Variants in LDLRAD4 observed in about 807,000 individuals in gnomAD.
The protein encoded by LDLRAD4 is low density lipoprotein receptor class A domain containing 4.
In LDLRAD4, 5 loss-of-function variants were observed where a neutral mutation model predicts 17.0. The ratio of observed to expected loss-of-function variants is 0.29; its 90% CI spans 0.15 to 0.62. The LOEUF (loss-of-function observed/expected upper bound fraction) is 0.62. LDLRAD4 is among the 20% of genes least tolerant of loss of function. The pLI is 0.84. For synonymous variants in LDLRAD4, 168 were observed against 171.8 expected (o/e 0.98, Z 0.17); for missense variants, 340 against 424.7 (o/e 0.80, Z 1.75).
rs1326375180 is a variant in LDLRAD4 at position 13,301,641 on chromosome 18, G to T, written c.-383+23453G>T. 2.6e-5 allele frequency among the ~76,000 whole-genome samples: 4 copies of T among 152,186 alleles called. No homozygotes were observed. In the East Asian group the frequency reaches 7.7e-4, roughly 29 times the overall value. ...CACAAAACGACCACGTTTCTGTCAT[G>T]CTCATGCACTCTTTCCTGTCCCTCT... On this transcript the variant is annotated intron_variant, in intron 1 of 5. Coordinates refer to ENST00000359446, the Ensembl canonical transcript of LDLRAD4.
intron 3 of LDLRAD4, among the ~76,000 whole-genome samples, chr18:13,448,168 G>T (rs1207920399): frequency 2.0e-5 from 3 of 152,204 alleles, no homozygotes; most frequent in African/African-American, 7.2e-5. Flanking sequence ...TCAGACCCAG[G>T]CTTCAAAGGC....
intron 3 of LDLRAD4, among the ~76,000 whole-genome samples, chr18:13,608,315 C>T (rs557410118): frequency 3.8e-4 from 55 of 145,244 alleles, no homozygotes; most frequent in African/African-American, 1.4e-3. Context: ...GAAGCACCCG[C>T]GGTGGGGCAG....
At chr18:13,278,155 G>A (rs1837725735) in exon 1 of LDLRAD4, 1 of 152,126 alleles carries the variant, frequency 6.6e-6, no homozygotes, top group Non-Finnish European at 1.5e-5. Context: ...GGCCATTTCC[G>A]AGAACTCCCA....
At chr18:13,255,208 C>T (rs929847243) in intron 1 of LDLRAD4, among the ~76,000 whole-genome samples, 12 of 152,160 alleles carry the variant, frequency 7.9e-5, no homozygotes, top group Non-Finnish European at 1.8e-4. Flanking sequence ...CCCCCAGCCC[C>T]GGGATGCTCC....
At chr18:13,565,596 T>C (rs1048727382) in intron 3 of LDLRAD4, among the ~76,000 whole-genome samples, 8 of 152,244 alleles carry the variant, frequency 5.3e-5, no homozygotes, top group Non-Finnish European at 1.2e-4. Context: ...AGCCCAGCTG[T>C]ACTGAAATGC....
chr18:13,231,347 G>C (rs2042062620), intron 1 of LDLRAD4, among the ~76,000 whole-genome samples: 1 of 152,162 alleles, frequency 6.6e-6, no homozygotes, highest in South Asian at 2.1e-4. Context: ...GTGAACCTGG[G>C]CACGGGGCGC....
At chr18:13,432,222 C>T (rs927745666) in intron 2 of LDLRAD4, among the ~76,000 whole-genome samples, 17 of 152,192 alleles carry the variant, frequency 1.1e-4, no homozygotes, top group African/African-American at 3.9e-4. Flanking sequence ...TAAGAAGAAT[C>T]GCCCTAAGGA....
intron 1 of LDLRAD4, among the ~76,000 whole-genome samples, chr18:13,252,008 G>T (rs748472505): frequency 2.6e-4 from 39 of 152,192 alleles, no homozygotes; most frequent in Non-Finnish European, 4.7e-4. Flanking sequence ...CATTTATATG[G>T]TTCTGTAGAT....
chr18:13,476,130 ATG>A, intron 3 of LDLRAD4, among the ~76,000 whole-genome samples: 1 of 152,142 alleles, frequency 6.6e-6, no homozygotes, highest in African/African-American at 2.4e-5. Context: ...TGGCACATGG[ATG>A]CCTTAAGTGC....
At chr18:13,226,180 C>CTCTTTTTTTTTT (rs71370946) in intron 1 of LDLRAD4, among the ~76,000 whole-genome samples, 4 of 52,188 alleles carry the variant, frequency 7.7e-5, no homozygotes, top group African/African-American at 3.1e-4. Context: ...CCATGCCTTG[C>CTCTTTTTTTTTT]TTTTTTTTTT....
chr18:13,463,206 A>C (rs1035087419), intron 3 of LDLRAD4, among the ~76,000 whole-genome samples: 5 of 152,114 alleles, frequency 3.3e-5, no homozygotes, highest in African/African-American at 1.2e-4. Context: ...TGGACTCCTA[A>C]AGGTTGGCCT....
chr18:13,490,238 A>G (rs2093331281), intron 3 of LDLRAD4: 1 of 152,212 alleles, frequency 6.6e-6, no homozygotes, highest in African/African-American at 2.4e-5. Flanking sequence ...GAGTACCCCA[A>G]TCGGATAACA....
rs955121578 is a variant in LDLRAD4, at chr18:13,387,587, G to A, written c.-136G>A. 45 of 792,104 alleles carry A rather than the reference G, an allele frequency of 5.7e-5. No homozygotes were observed. The African/African-American group carries it at 5.7e-4, about 10-fold the overall frequency. The allele number at this position is 792,104 out of a possible 1,614,324, so 49.1% of individuals were successfully genotyped here. ...CGCGCGAGAGCCGGGCAGGTGGGCC[G>A]CGGATGCTCCCAGAGGCCGGCCCAG... is the stretch of plus-strand genomic sequence containing the variant. On this transcript the variant is annotated 5_prime_UTR_variant, in exon 2 of 6. Coordinates refer to ENST00000359446, the Ensembl canonical transcript of LDLRAD4.
At chr18:13,482,172 A>G (rs569545173) in intron 3 of LDLRAD4, among the ~76,000 whole-genome samples, 38 of 152,262 alleles carry the variant, frequency 2.5e-4, no homozygotes, top group African/African-American at 8.9e-4. Context: ...GGGCCTGCAG[A>G]GAAGGGCAGT....
chr18:13,326,533 A>G (rs1001511862), intron 1 of LDLRAD4, among the ~76,000 whole-genome samples: 1 of 152,230 alleles, frequency 6.6e-6, no homozygotes, highest in Non-Finnish European at 1.5e-5. Context: ...GTTTTAACCT[A>G]GAATCAGATT....
At chr18:13,298,522 G>GGGAGCTGCTCTGGGCATGGTGAT (rs2046401967) in intron 1 of LDLRAD4, among the ~76,000 whole-genome samples, 1 of 124,586 alleles carries the variant, frequency 8.0e-6, no homozygotes, top group African/African-American at 3.1e-5. Flanking sequence ...GCACGGTGAT[G>GGGAGCTGCTCTGGGCATGGTGAT]GGAGCTGCTC....
chr18:13,245,049 C>T (rs541530737), intron 1 of LDLRAD4, among the ~76,000 whole-genome samples: 4 of 152,204 alleles, frequency 2.6e-5, no homozygotes, highest in East Asian at 1.9e-4. Context: ...TTATTATGGT[C>T]GACTGCACCC....
chr18:13,439,891 G>A (rs937906205), intron 3 of LDLRAD4, among the ~76,000 whole-genome samples: 1 of 152,154 alleles, frequency 6.6e-6, no homozygotes, highest in African/African-American at 2.4e-5. Flanking sequence ...GAGCCTCAGT[G>A]CCCTCATCTC....
intron 1 of LDLRAD4, among the ~76,000 whole-genome samples, chr18:13,356,439 T>G (rs543248083): frequency 2.0e-5 from 3 of 152,382 alleles, no homozygotes; most frequent in Non-Finnish European, 4.4e-5. Context: ...AGTATCTATT[T>G]TATTGCATCA....
Sources: allele counts gnomAD v4.1 joint callset (sites outside exome capture counted in the v4.1 genomes callset), GRCh38; gene constraint gnomAD v4.1.1; transcripts MANE v1.5; gene names NCBI Gene and HGNC (gene_info 2026-07-23, HGNC 2026-07-21).